CSMD1: variants seen among roughly 807,000 people sequenced by gnomAD.
CSMD1 encodes CUB and sushi domain-containing protein 1.
Under a neutral mutation model 417.5 loss-of-function variants are expected in CSMD1, and 213 were observed. The ratio of observed to expected loss-of-function variants is 0.51; its 90% CI spans 0.46 to 0.57. CSMD1 has a LOEUF of 0.57. CSMD1 is among the 20% of genes least tolerant of loss of function. The pLI, the probability that CSMD1 is intolerant of heterozygous loss-of-function variation, is 0.00. For missense variants in CSMD1, 6,923 were observed against 4,529.7 expected (o/e 1.53, Z -15.17); for synonymous variants, 2,862 against 1,736.8 (o/e 1.65, Z -16.11).
At chr8:4,731,044 A>G (rs1043914558) in intron 1 of CSMD1, among the ~76,000 whole-genome samples, 1 of 152,190 alleles carries the variant, frequency 6.6e-6, no homozygotes, top group African/African-American at 2.4e-5. Context: ...AATGAAGAGT[A>G]TGGAGGGTCT....
intron 6 of CSMD1, among the ~76,000 whole-genome samples, chr8:3,732,192 T>C (rs1178239179): frequency 6.6e-6 from 1 of 152,000 alleles, no homozygotes; most frequent in African/African-American, 2.4e-5. Context: ...GGGAACAGAG[T>C]CTTTCCGAGA....
At chr8:3,815,207 G>T (rs930743396) in intron 5 of CSMD1, among the ~76,000 whole-genome samples, 1 of 152,066 alleles carries the variant, frequency 6.6e-6, no homozygotes, top group African/African-American at 2.4e-5. Context: ...TTCTTTCTTT[G>T]CTCTCCTTTT....
At position 4,235,876 on chromosome 8, in the gene CSMD1, G is replaced by T. The variant is rs138275307; in HGVS notation, c.415+184077C>A. Among the ~76,000 whole-genome samples the T allele has an allele frequency of 7.4e-4, 113 of 152,226 alleles. 1 individual carries two copies. Among genetic ancestry groups the T allele is most frequent in the African/African-American group, 2.5e-3 (105 of 41,560 alleles). ...CCTTTGATTCTAACTGAGGAATAGCGGAACCGGCTGACACATCCCGTAGCT... is the reference window on the plus strand; with the variant it reads ...CCTTTGATTCTAACTGAGGAATAGCTGAACCGGCTGACACATCCCGTAGCT... On this transcript the variant is annotated intron_variant, in intron 3 of 69. Transcript: ENST00000635120.
chr8:3,050,743 T>C (rs1004282894), intron 50 of CSMD1, among the ~76,000 whole-genome samples: 4 of 152,150 alleles, frequency 2.6e-5, no homozygotes, highest in African/African-American at 7.2e-5. Context: ...ATAAAAGCTT[T>C]TGGGAAGAAC....
At chr8:3,621,459 A>G (rs1796239154) in intron 7 of CSMD1, among the ~76,000 whole-genome samples, 1 of 152,180 alleles carries the variant, frequency 6.6e-6, no homozygotes, top group Non-Finnish European at 1.5e-5. Flanking sequence ...AAGAAGGAAT[A>G]TAAGGTGTTA....
rs1481756734 is a variant in CSMD1 at position 3,106,618 on chromosome 8, G to A, written c.6859C>T (p.His2287Tyr). ...GTCCCCACCAAGGTGTACCCGGGGT[G>A]GCACTGGTACTTCACAAAATCTCCT... ...EIGDFVKYQC[H>Y]PGYTLVGTDI... Residue 2287 changes from histidine (H) to tyrosine (Y), a missense_variant, in exon 46 of 70, where the codon CAC (histidine) becomes TAC (tyrosine). Coordinates refer to ENST00000635120, the MANE Select transcript of CSMD1 (RefSeq NM_033225.6). 2.5e-6 allele frequency: 4 copies of A among 1,613,218 alleles called. No homozygotes were observed. In the Admixed American group the frequency reaches 5.0e-5, roughly 20 times the overall value.
At chr8:4,954,613 A>G (rs770005355) in intron 1 of CSMD1, among the ~76,000 whole-genome samples, 1 of 152,216 alleles carries the variant, frequency 6.6e-6, no homozygotes, top group Non-Finnish European at 1.5e-5. Flanking sequence ...AGAAGGATAT[A>G]CTATAAAATA....
chr8:3,816,341 T>G (rs1801364284), intron 5 of CSMD1, among the ~76,000 whole-genome samples: 1 of 152,174 alleles, frequency 6.6e-6, no homozygotes, highest in African/African-American at 2.4e-5. Context: ...AGTCAACCAC[T>G]GTCAGAAAAT....
intron 6 of CSMD1, among the ~76,000 whole-genome samples, chr8:3,722,407 T>G (rs1315076076): frequency 6.6e-6 from 1 of 152,156 alleles, no homozygotes; most frequent in Non-Finnish European, 1.5e-5. Context: ...AGCTAAGAAA[T>G]CAACATATAA....
At chr8:4,410,354 C>T (rs1349314691) in intron 3 of CSMD1, among the ~76,000 whole-genome samples, 1 of 152,152 alleles carries the variant, frequency 6.6e-6, no homozygotes, top group Non-Finnish European at 1.5e-5. Context: ...TGGGAAACTG[C>T]ATGGAACCCA....
At chr8:3,359,036 T>A in intron 21 of CSMD1, 116 bp downstream of exon 21, 1 of 930,598 alleles carries the variant, frequency 1.1e-6, no homozygotes, top group Non-Finnish European at 1.7e-6. Context: ...GCCCACACTT[T>A]CACCCTCTCC....
intron 2 of CSMD1, among the ~76,000 whole-genome samples, chr8:4,458,780 G>T (rs1382339197): frequency 6.6e-6 from 1 of 152,096 alleles, no homozygotes; most frequent in Admixed American, 6.5e-5. Flanking sequence ...TAAGATAACG[G>T]TTAGGAATAT....
At chr8:3,746,844 G>A (rs1282616092) in intron 6 of CSMD1, among the ~76,000 whole-genome samples, 2 of 152,078 alleles carry the variant, frequency 1.3e-5, no homozygotes, top group African/African-American at 4.8e-5. Context: ...TTTGATGAAG[G>A]TCAATAGGGT....
chr8:3,774,337 G>A (rs567425060), intron 5 of CSMD1, among the ~76,000 whole-genome samples: 12 of 152,240 alleles, frequency 7.9e-5, no homozygotes, highest in African/African-American at 2.4e-4. Flanking sequence ...AGTGCCTGAG[G>A]TGTTATCATA....
At position 3,182,675 on chromosome 8, in the gene CSMD1, C is replaced by CTG. The variant is rs10676783; in HGVS notation, c.5621-1463_5621-1462dup. 4.3e-3 allele frequency among the ~76,000 whole-genome samples: 427 copies of CTG among 99,096 alleles called. 25 individuals carry two copies. The highest frequency in any genetic ancestry group is 0.012 in the East Asian group (39 of 3,356). The allele number at this position is 99,096 out of a possible 152,430, so 65.0% of individuals were successfully genotyped here. On this transcript the variant is annotated intron_variant, in intron 36 of 69. Coordinates refer to ENST00000635120, the MANE Select transcript of CSMD1 (RefSeq NM_033225.6). ...GGGGACTCTGGCTGTCTATAAGAAG[C>CTG]TGTGTGTGTGTGTGTGTGTATGTGT... is the stretch of plus-strand genomic sequence containing the variant.
intron 8 of CSMD1, among the ~76,000 whole-genome samples, chr8:3,596,015 G>C (rs1584938035): frequency 6.6e-6 from 1 of 152,110 alleles, no homozygotes; most frequent in East Asian, 1.9e-4. Context: ...ATTTATCAGG[G>C]CTTTGAGGAG....
At chr8:3,309,610 T>C (rs62504433) in intron 23 of CSMD1, among the ~76,000 whole-genome samples, 12,614 of 146,452 alleles carry the variant, frequency 0.086, 668 homozygotes, top group Non-Finnish European at 0.12. Context: ...ATGATGCAAA[T>C]TTTGACAATT....
At chr8:4,284,979 C>G (rs968341390) in intron 3 of CSMD1, among the ~76,000 whole-genome samples, 1 of 152,188 alleles carries the variant, frequency 6.6e-6, no homozygotes, top group African/African-American at 2.4e-5. Flanking sequence ...CCTCGCCTCA[C>G]CATGCCTCGG....
intron 2 of CSMD1, among the ~76,000 whole-genome samples, chr8:4,541,368 G>C (rs1236529904): frequency 3.3e-5 from 5 of 152,206 alleles, no homozygotes; most frequent in Non-Finnish European, 7.3e-5. Flanking sequence ...ATGTGTTAAA[G>C]TGTTTTTATA....
Sources: gnomAD v4.1 joint callset for allele counts (sites outside exome capture counted in the v4.1 genomes callset) on GRCh38, gnomAD v4.1.1 for gene constraint, MANE v1.5 for transcripts, NCBI Gene and HGNC (gene_info 2026-07-23, HGNC 2026-07-21) for gene names.